SBF2: variants seen among roughly 807,000 people sequenced by gnomAD.
SBF2 encodes myotubularin-related protein 13.
A neutral mutation model predicts 225.2 loss-of-function variants in SBF2; 112 were observed. That is an observed-to-expected ratio of 0.50 (90% CI 0.43 to 0.58). The LOEUF (loss-of-function observed/expected upper bound fraction) is 0.58. Ranked by LOEUF, SBF2 falls within the 20% of genes least tolerant of loss-of-function variation. The probability of loss-of-function intolerance (pLI) is 0.00; values close to 1 mark genes in which losing one functional copy is unlikely to be tolerated. For missense variants in SBF2, 1,996 were observed against 2,206.2 expected (o/e 0.90, Z 1.91); for synonymous variants, 763 against 773.3 (o/e 0.99, Z 0.22).
At chr11:10,143,314 G>T (rs1205921844) in intron 2 of SBF2, among the ~76,000 whole-genome samples, 1 of 152,112 alleles carries the variant, frequency 6.6e-6, no homozygotes, top group African/African-American at 2.4e-5. Flanking sequence ...TGGGACTACA[G>T]GTGTGCGCCC....
Position 9,998,257 on chromosome 11 carries a change from A to G in SBF2, c.975+9T>C, listed in dbSNP as rs1451987557. 6.8e-7 allele frequency: 1 copy of G among 1,462,896 alleles called. No individual in the cohort carries two copies. Among genetic ancestry groups the G allele is most frequent in the South Asian group, 1.1e-5 (1 of 87,192 alleles). 90.6% of individuals were successfully genotyped at this position (1,462,896 alleles called of 1,614,324 possible). A position where few individuals can be genotyped will look rare whatever the true frequency, so the allele number is the denominator to read the frequency against. ...AAGAGAAAGTTACTATTACAAAAATATGTCATACCAAAGAAAGAGCTGATT... is the reference window on the plus strand; with the variant it reads ...AAGAGAAAGTTACTATTACAAAAATGTGTCATACCAAAGAAAGAGCTGATT... On this transcript the variant is annotated intron_variant, in intron 9 of 39. Coordinates refer to ENST00000256190, the MANE Select transcript of SBF2 (RefSeq NM_030962.4).
Position 10,031,900 on chromosome 11 carries a change from G to A in SBF2, c.280-730C>T, listed in dbSNP as rs187704259. ...TGGAATCATAGGCACACTCCACCAC[G>A]CCAGGTTAATTTTTTGTTTTTTGTA... On this transcript the variant is annotated intron_variant, in intron 3 of 39. Transcript: ENST00000256190. Among the ~76,000 whole-genome samples the A allele has an allele frequency of 5.9e-5, 9 of 152,134 alleles. No individual in the cohort carries two copies. The East Asian group carries it at 1.7e-3, about 29-fold the overall frequency.
At chr11:9,867,335 G>A (rs1032439580) in intron 17 of SBF2, among the ~76,000 whole-genome samples, 1 of 151,984 alleles carries the variant, frequency 6.6e-6, no homozygotes, top group African/African-American at 2.4e-5. Context: ...AAAAACACAA[G>A]GAGATATTAT....
At chr11:9,920,202 GTGTATA>G (rs1353601469) in intron 16 of SBF2, among the ~76,000 whole-genome samples, 1 of 143,556 alleles carries the variant, frequency 7.0e-6, no homozygotes, top group Non-Finnish European at 1.5e-5. Flanking sequence ...GTGTGTGTGT[GTGTATA>G]TATATATATA....
rs1337725457 is a variant in SBF2, at chr11:10,029,832, T to C, written c.446A>G (p.Asn149Ser). 2.5e-6 allele frequency: 4 copies of C among 1,613,850 alleles called. No homozygotes were observed. Among genetic ancestry groups the C allele is most frequent in the Non-Finnish European group, 3.4e-6 (4 of 1,179,884 alleles). Residue 149 changes from asparagine (N) to serine (S), a missense_variant, in exon 5 of 40, where the codon AAT becomes AGT. Asn to Ser is a conservative substitution (Grantham distance 46). Transcript: ENST00000256190. ...TGCAATTAGACTTTCCAAGGAGACA[T>C]TCAGGCTGTCCACATACACGGTATA... Reference protein sequence around the residue: ...LIYTVYVDSLNVSLESLIANL... With the variant: ...LIYTVYVDSLSVSLESLIANL...
intron 29 of SBF2, 56 bp from the exon 30 acceptor site, chr11:9,812,764 A>C: frequency 6.4e-7 from 1 of 1,560,050 alleles, no homozygotes; most frequent in East Asian, 2.2e-5. Flanking sequence ...TAAAAGAGTG[A>C]TGTTTCCAAT....
intron 1 of SBF2, among the ~76,000 whole-genome samples, chr11:10,198,810 T>G (rs1468585019): frequency 6.6e-6 from 1 of 152,240 alleles, no homozygotes; most frequent in Non-Finnish European, 1.5e-5. Flanking sequence ...CTTCTTTTCT[T>G]AAACCTCATG....
intron 17 of SBF2, among the ~76,000 whole-genome samples, chr11:9,862,281 G>A (rs1304928069): frequency 6.6e-6 from 1 of 152,174 alleles, no homozygotes; most frequent in Admixed American, 6.5e-5. Context: ...GGATGGGCAG[G>A]GCCATTCCAC....
intron 2 of SBF2, among the ~76,000 whole-genome samples, chr11:10,075,312 T>C (rs1297472883): frequency 1.3e-5 from 2 of 150,394 alleles, no homozygotes; most frequent in Non-Finnish European, 2.9e-5. Flanking sequence ...TCAGACATTG[T>C]AAGTGATTAA....
At chr11:9,937,374 A>G (rs2134280478) in intron 16 of SBF2, among the ~76,000 whole-genome samples, 1 of 152,348 alleles carries the variant, frequency 6.6e-6, no homozygotes, top group South Asian at 2.1e-4. Context: ...TCAGGACACT[A>G]AGGAAGAGAA....
At chr11:9,895,626 G>T (rs1184393425) in intron 17 of SBF2, among the ~76,000 whole-genome samples, 1 of 152,140 alleles carries the variant, frequency 6.6e-6, no homozygotes, top group Non-Finnish European at 1.5e-5. Flanking sequence ...CCAGCCTCAT[G>T]AAATTTACTT....
intron 2 of SBF2, among the ~76,000 whole-genome samples, chr11:10,153,476 G>T (rs1955317009): frequency 6.6e-6 from 1 of 152,010 alleles, no homozygotes; most frequent in South Asian, 2.1e-4. Flanking sequence ...TATTTTAACT[G>T]AATAAAATAA....
chr11:10,209,797 T>G (rs927347486), intron 1 of SBF2, among the ~76,000 whole-genome samples: 2 of 152,044 alleles, frequency 1.3e-5, no homozygotes, highest in African/African-American at 4.8e-5. Context: ...ACCTAAAACA[T>G]TAATAGCTTA....
intron 16 of SBF2, among the ~76,000 whole-genome samples, chr11:9,920,202 G>GTATATA (rs575092215): frequency 2.9e-4 from 41 of 143,554 alleles, no homozygotes; most frequent in African/African-American, 1.1e-3. Context: ...GTGTGTGTGT[G>GTATATA]TGTATATATA....
chr11:10,122,759 G>C (rs540986128), intron 2 of SBF2, among the ~76,000 whole-genome samples: 1 of 152,102 alleles, frequency 6.6e-6, no homozygotes, highest in Non-Finnish European at 1.5e-5. Context: ...ATGGAGACAC[G>C]GGAGTCTCAG....
In SBF2 at chr11:9,830,751, A is replaced by C. The variant is rs570546175; in HGVS notation, c.3653-1255T>G. On this transcript the variant is annotated intron_variant, in intron 27 of 39. Transcript: ENST00000256190. ...CAAGACTCCAGCTCAAAAACAAAAA[A>C]AAAAAAACAAAAACAAAACAAAACA... Among the ~76,000 whole-genome samples the C allele has an allele frequency of 2.6e-3, 393 of 151,512 alleles. 3 individuals are homozygous for C. Among genetic ancestry groups the C allele is most frequent in the African/African-American group, 9.1e-3 (374 of 41,286 alleles).
chr11:10,093,906 T>C (rs1951891621), intron 2 of SBF2, among the ~76,000 whole-genome samples: 1 of 152,172 alleles, frequency 6.6e-6, no homozygotes, highest in Non-Finnish European at 1.5e-5. Context: ...CAATAAAGTT[T>C]AGACAATCCC....
At chr11:9,939,925 T>C (rs1865149864) in intron 16 of SBF2, among the ~76,000 whole-genome samples, 1 of 152,034 alleles carries the variant, frequency 6.6e-6, no homozygotes, top group Admixed American at 6.6e-5. Context: ...ATGTCAAGAG[T>C]GATGTCATAT....
Position 10,086,070 on chromosome 11 carries a change from T to C in SBF2, c.142-43089A>G, listed in dbSNP as rs540968336. ...GCATGCACGTGTGTGTGTTCTAACC[T>C]GCCTTCTTAGAGACAAGTGCTGGTG... On this transcript the variant is annotated intron_variant, in intron 2 of 39. Transcript: ENST00000256190. Among the ~76,000 whole-genome samples the C allele has an allele frequency of 3.8e-3, 573 of 149,160 alleles. 3 individuals are homozygous for C. The highest frequency in any genetic ancestry group is 5.3e-3 in the South Asian group (25 of 4,718).
Sources: gnomAD v4.1 joint callset for allele counts (sites outside exome capture counted in the v4.1 genomes callset) on GRCh38, gnomAD v4.1.1 for gene constraint, MANE v1.5 for transcripts, NCBI Gene and HGNC (gene_info 2026-07-23, HGNC 2026-07-21) for gene names.